Variants in ROBO2 observed in about 807,000 individuals in gnomAD.
The protein encoded by ROBO2 is roundabout homolog 2.
ROBO2 carries 53 observed loss-of-function variants against 160.8 expected under a neutral mutation model. That is an observed-to-expected ratio of 0.33 (90% CI 0.26 to 0.41). The LOEUF (loss-of-function observed/expected upper bound fraction) is 0.41, where lower values mean the gene tolerates loss of function less well. Among genes scored for constraint, ROBO2 ranks in the 10% least tolerant of loss-of-function variants. ROBO2 has a pLI of 1.00. For synonymous variants in ROBO2, 664 were observed against 611.7 expected, an observed-to-expected ratio of 1.09 and a Z score of -1.26; for missense variants, 1,577 against 1,722.4, an observed-to-expected ratio of 0.92 and a Z score of 1.49.
intron 2 of ROBO2, among the ~76,000 whole-genome samples, chr3:76,482,974 A>G (rs1302040297): frequency 6.6e-6 from 1 of 152,114 alleles, no homozygotes; most frequent in Non-Finnish European, 1.5e-5. Flanking sequence ...AACATCCTCA[A>G]ATTAATATTT....
At chr3:76,259,200 A>T (rs1276115451) in intron 2 of ROBO2, among the ~76,000 whole-genome samples, 1 of 152,024 alleles carries the variant, frequency 6.6e-6, no homozygotes, top group African/African-American at 2.4e-5. Context: ...TTCAGGAAAA[A>T]TAGGAGAGAA....
intron 2 of ROBO2, among the ~76,000 whole-genome samples, chr3:76,372,393 A>G (rs1409669250): frequency 1.3e-5 from 2 of 151,934 alleles, no homozygotes; most frequent in Non-Finnish European, 2.9e-5. Flanking sequence ...TTAGGTAGAA[A>G]TTGATGTGAA....
At chr3:76,276,536 C>T (rs1168506767) in intron 2 of ROBO2, among the ~76,000 whole-genome samples, 5 of 151,982 alleles carry the variant, frequency 3.3e-5, no homozygotes, top group East Asian at 1.9e-4. Flanking sequence ...ATATTCTAAA[C>T]GTTTCCATAT....
chr3:76,313,320 T>G (rs1385571192), intron 2 of ROBO2, among the ~76,000 whole-genome samples: 2 of 152,242 alleles, frequency 1.3e-5, no homozygotes, highest in Non-Finnish European at 2.9e-5. Flanking sequence ...ATTTATTTAT[T>G]CATGAGCTTG....
At chr3:77,363,816 G>T (rs1347872298) in intron 2 of ROBO2, among the ~76,000 whole-genome samples, 3 of 152,230 alleles carry the variant, frequency 2.0e-5, no homozygotes, top group African/African-American at 7.2e-5. Flanking sequence ...GGAAGAGAGG[G>T]ATTCAAGTGT....
At chr3:77,410,131 T>G (rs920390412) in intron 2 of ROBO2, among the ~76,000 whole-genome samples, 1 of 152,110 alleles carries the variant, frequency 6.6e-6, no homozygotes, top group South Asian at 2.1e-4. Context: ...TACCCACAAG[T>G]GTACCAAAAT....
intron 2 of ROBO2, among the ~76,000 whole-genome samples, chr3:76,377,084 G>T (rs1265124922): frequency 2.0e-5 from 3 of 152,084 alleles, no homozygotes; most frequent in African/African-American, 7.2e-5. Flanking sequence ...TGGTCCTGTT[G>T]TTATAGTAAG....
chr3:76,885,511 A>G (rs2073789005), intron 2 of ROBO2, among the ~76,000 whole-genome samples: 1 of 152,214 alleles, frequency 6.6e-6, no homozygotes, highest in Non-Finnish European at 1.5e-5. Context: ...AGAGTTAATA[A>G]GCAAGCCCAT....
chr3:76,515,302 A>T (rs1281432577), intron 2 of ROBO2, among the ~76,000 whole-genome samples: 1 of 152,198 alleles, frequency 6.6e-6, no homozygotes, highest in Non-Finnish European at 1.5e-5. Context: ...TTCAGGTGAA[A>T]GGGAAAAAAT....
At chr3:77,003,301 C>T (rs1246470212) in intron 2 of ROBO2, among the ~76,000 whole-genome samples, 1 of 152,058 alleles carries the variant, frequency 6.6e-6, no homozygotes, top group Non-Finnish European at 1.5e-5. Context: ...AGGAAGAATT[C>T]AGAATAGGCA....
intron 2 of ROBO2, among the ~76,000 whole-genome samples, chr3:76,984,337 TA>T (rs1327887641): frequency 6.6e-6 from 1 of 152,162 alleles, no homozygotes; most frequent in African/African-American, 2.4e-5. Flanking sequence ...GCTCTTTACT[TA>T]CTGTAGCCAA....
At chr3:77,492,342 A>G (rs1038065908) in intron 4 of ROBO2, among the ~76,000 whole-genome samples, 1 of 152,234 alleles carries the variant, frequency 6.6e-6, no homozygotes, top group African/African-American at 2.4e-5. Flanking sequence ...CTGGTGATAC[A>G]TAAAACTACT....
chr3:77,172,749 A>C (rs4683970), intron 2 of ROBO2, among the ~76,000 whole-genome samples: 64,200 of 152,062 alleles, frequency 0.42, 13,964 homozygotes, highest in Middle Eastern at 0.57. Flanking sequence ...TAAAAGTTAT[A>C]ATTAATTTCC....
intron 21 of ROBO2, among the ~76,000 whole-genome samples, chr3:77,610,741 C>CAAAAAGAAAAAAAAAAAAAAAAAAA: frequency 5.0e-5 from 1 of 19,826 alleles, no homozygotes; most frequent in Non-Finnish European, 9.6e-5. Flanking sequence ...GGCCAAAGAC[C>CAAAAAGAAAAAAAAAAAAAAAAAAA]AAAAAAAAAA....
intron 2 of ROBO2, among the ~76,000 whole-genome samples, chr3:77,156,151 T>C (rs1260123834): frequency 6.6e-6 from 1 of 151,998 alleles, no homozygotes; most frequent in Non-Finnish European, 1.5e-5. Flanking sequence ...ACTTATAACT[T>C]TCCTGTCCAC....
At chr3:77,018,842 TGACA>T (rs2062445353) in intron 2 of ROBO2, among the ~76,000 whole-genome samples, 1 of 152,188 alleles carries the variant, frequency 6.6e-6, no homozygotes, top group Non-Finnish European at 1.5e-5. Context: ...GAATGGTGGT[TGACA>T]GAGGCTAAGG....
intron 2 of ROBO2, among the ~76,000 whole-genome samples, chr3:77,031,939 G>A (rs1448105279): frequency 6.6e-6 from 1 of 152,026 alleles, no homozygotes; most frequent in Non-Finnish European, 1.5e-5. Flanking sequence ...CAGATTCTGT[G>A]TCTGGTGAGG....
intron 2 of ROBO2, among the ~76,000 whole-genome samples, chr3:76,907,856 T>TGTGTG (rs2075716891): frequency 5.5e-5 from 4 of 72,570 alleles, no homozygotes; most frequent in African/African-American, 2.2e-4. Flanking sequence ...GTGTGTGTGT[T>TGTGTG]TGAGATGGAG....
intron 2 of ROBO2, among the ~76,000 whole-genome samples, chr3:77,303,500 A>G (rs760363863): frequency 2.0e-5 from 3 of 152,194 alleles, no homozygotes; most frequent in Non-Finnish European, 4.4e-5. Context: ...TCAAATGACT[A>G]ATATTAAGAG....
Sources: gnomAD v4.1 joint callset for allele counts (sites outside exome capture counted in the v4.1 genomes callset) on GRCh38, gnomAD v4.1.1 for gene constraint, MANE v1.5 for transcripts, NCBI Gene and HGNC (gene_info 2026-07-23, HGNC 2026-07-21) for gene names.